FILIP1: variants seen among roughly 807,000 people sequenced by gnomAD.
The protein encoded by FILIP1 is filamin-A-interacting protein 1.
Under a neutral mutation model 102.1 loss-of-function variants are expected in FILIP1, and 61 were observed. The ratio of observed to expected loss-of-function variants is 0.60; its 90% CI spans 0.49 to 0.74. The LOEUF (loss-of-function observed/expected upper bound fraction) is 0.74. Among genes scored for constraint, FILIP1 ranks in the 30% least tolerant of loss-of-function variants. The pLI, the probability that FILIP1 is intolerant of heterozygous loss-of-function variation, is 0.00. For synonymous variants in FILIP1, 491 were observed against 526.9 expected (o/e 0.93, Z 0.93); for missense variants, 1,314 against 1,441.2 (o/e 0.91, Z 1.43).
At chr6:75,309,161 G>A (rs574958249) in intron 5 of FILIP1, among the ~76,000 whole-genome samples, 1 of 152,150 alleles carries the variant, frequency 6.6e-6, no homozygotes, top group South Asian at 2.1e-4. Context: ...TACTGAAGAT[G>A]GCCTTAACTC....
intron 4 of FILIP1, among the ~76,000 whole-genome samples, chr6:75,321,319 A>G (rs527796076): frequency 6.6e-6 from 1 of 152,138 alleles, no homozygotes; most frequent in Non-Finnish European, 1.5e-5. Context: ...CCTTGGGTCT[A>G]TTGGGAAGAA....
At chr6:75,456,091 C>G (rs546792529) in intron 1 of FILIP1, among the ~76,000 whole-genome samples, 1 of 152,272 alleles carries the variant, frequency 6.6e-6, no homozygotes, top group East Asian at 1.9e-4. Context: ...GATATCTCTC[C>G]TAAGTCTTCC....
intron 1 of FILIP1, among the ~76,000 whole-genome samples, chr6:75,477,485 A>G (rs1384225152): frequency 6.6e-6 from 1 of 152,184 alleles, no homozygotes; most frequent in Admixed American, 6.6e-5. Flanking sequence ...TAATCATGCC[A>G]CATTGTATAC....
chr6:75,449,387 C>T (rs1004196585), intron 1 of FILIP1, among the ~76,000 whole-genome samples: 11 of 152,010 alleles, frequency 7.2e-5, no homozygotes, highest in African/African-American at 2.7e-4. Context: ...GTACACTGCT[C>T]GGGTGATGGG....
At chr6:75,292,023 T>G (rs1438146798) in exon 7 of FILIP1, 1 of 152,216 alleles carries the variant, frequency 6.6e-6, no homozygotes, top group African/African-American at 2.4e-5. Context: ...ATAATTTCAA[T>G]GACCTGTGAG....
chr6:75,369,536 C>T (rs892390576), intron 2 of FILIP1, among the ~76,000 whole-genome samples: 9 of 151,876 alleles, frequency 5.9e-5, no homozygotes, highest in African/African-American at 1.5e-4. Flanking sequence ...TTATGTCTGA[C>T]GACAATTTAA....
At chr6:75,407,936 T>C (rs1440608123) in intron 2 of FILIP1, among the ~76,000 whole-genome samples, 2 of 152,352 alleles carry the variant, frequency 1.3e-5, no homozygotes, top group Admixed American at 1.3e-4. Context: ...TTCTATGTTA[T>C]GGCTTTTTGA....
intron 5 of FILIP1, 64 bp downstream of exon 5, chr6:75,312,333 G>T: frequency 6.7e-7 from 1 of 1,499,302 alleles, no homozygotes; most frequent in Non-Finnish European, 9.1e-7. Context: ...TGGGTGCTGG[G>T]TAGTCTCACT....
chr6:75,294,668 G>C (rs1772623494), exon 7 of FILIP1: 1 of 151,756 alleles, frequency 6.6e-6, no homozygotes, highest in African/African-American at 2.4e-5. Context: ...TTTCCTTCTG[G>C]GTTTTGGGGG....
intron 4 of FILIP1, among the ~76,000 whole-genome samples, chr6:75,320,625 T>C (rs963489965): frequency 1.3e-5 from 2 of 152,082 alleles, no homozygotes; most frequent in African/African-American, 4.8e-5. Flanking sequence ...ATTACCTAAA[T>C]AGAGATGTAT....
Position 75,411,473 on chromosome 6 carries a change from T to C in FILIP1, c.276+3224A>G, listed in dbSNP as rs139595320. The stretch of plus-strand genomic sequence containing the variant: ...TTTGTTGCCATTGCTTTTGGTGTTT[T>C]AGTCAAGAAGTCTTTGCCCATGCCT... On this transcript the variant is annotated intron_variant, in intron 2 of 5. Transcript: ENST00000237172. 5.6e-3 allele frequency among the ~76,000 whole-genome samples: 852 copies of C among 152,342 alleles called. 8 individuals are homozygous for C. Among genetic ancestry groups the C allele is most frequent in the African/African-American group, 0.019 (805 of 41,578 alleles).
intron 2 of FILIP1, among the ~76,000 whole-genome samples, chr6:75,393,154 G>A (rs1482773993): frequency 1.3e-5 from 2 of 152,164 alleles, no homozygotes; most frequent in Non-Finnish European, 2.9e-5. Context: ...AACTGCTGAT[G>A]AAGGAAAGGA....
rs1380945700 is a variant in FILIP1, at chr6:75,294,892, T to TTA, written c.*1017_*1018insTA. The TTA allele has an allele frequency of 4.6e-3, 633 of 138,664 alleles. 13 individuals carry two copies. Among genetic ancestry groups the TTA allele is most frequent in the African/African-American group, 0.017 (595 of 35,378 alleles). The allele number at this position is 138,664 out of a possible 1,614,324, so 8.6% of individuals were successfully genotyped here. ...TTTTTTTTTTTTTTTTTTTTTTTTTTAAGACTCTCACTGTGTTGCCCAGGC... is the reference window on the plus strand; with the variant it reads ...TTTTTTTTTTTTTTTTTTTTTTTTTTTAAAGACTCTCACTGTGTTGCCCAGGC... On this transcript the variant is annotated 3_prime_UTR_variant, in exon 7 of 7. Transcript: ENST00000393004.
chr6:75,461,260 C>T (rs1054847597), intron 1 of FILIP1, among the ~76,000 whole-genome samples: 1 of 152,164 alleles, frequency 6.6e-6, no homozygotes, highest in African/African-American at 2.4e-5. Flanking sequence ...GTTTTACAAA[C>T]AAGGAATCCA....
intron 1 of FILIP1, among the ~76,000 whole-genome samples, chr6:75,471,654 G>A (rs1779334495): frequency 1.3e-5 from 2 of 152,122 alleles, no homozygotes; most frequent in South Asian, 4.1e-4. Context: ...TTGTAACAGT[G>A]AAAAATTCAG....
chr6:75,492,664 C>G (rs1779998227), intron 1 of FILIP1, among the ~76,000 whole-genome samples: 1 of 152,204 alleles, frequency 6.6e-6, no homozygotes, highest in Non-Finnish European at 1.5e-5. Context: ...TAAACACATT[C>G]ATACACACAC....
At chr6:75,396,218 G>A (rs571869552) in intron 2 of FILIP1, among the ~76,000 whole-genome samples, 31 of 151,824 alleles carry the variant, frequency 2.0e-4, no homozygotes, top group African/African-American at 7.2e-4. Flanking sequence ...AGGCTGAAGT[G>A]GTGAGCAGTG....
chr6:75,488,548 C>T (rs182410713), intron 1 of FILIP1, among the ~76,000 whole-genome samples: 4 of 151,658 alleles, frequency 2.6e-5, no homozygotes, highest in African/African-American at 9.6e-5. Flanking sequence ...AAGTTATTTC[C>T]TTCTTTTCTT....
chr6:75,399,369 A>T (rs1396673848), intron 2 of FILIP1: 1 of 152,170 alleles, frequency 6.6e-6, no homozygotes, highest in Non-Finnish European at 1.5e-5. Context: ...TCCTCTTCTT[A>T]TCTGTGGAAT....
Sources: gnomAD v4.1 joint callset for allele counts (sites outside exome capture counted in the v4.1 genomes callset) on GRCh38, gnomAD v4.1.1 for gene constraint, MANE v1.5 for transcripts, NCBI Gene and HGNC (gene_info 2026-07-23, HGNC 2026-07-21) for gene names.